The following CRB2 variants were observed in gnomAD, a reference collection of about 807,000 sequenced individuals.
CRB2 encodes the protein crumbs cell polarity complex component 2.
CRB2 carries 85 observed loss-of-function variants against 110.9 expected under a neutral mutation model. That is an observed-to-expected ratio of 0.77 (90% CI 0.64 to 0.92). The LOEUF (loss-of-function observed/expected upper bound fraction) is 0.92, where lower values mean the gene tolerates loss of function less well. Among genes scored for constraint, CRB2 ranks in the 40% least tolerant of loss-of-function variants. The pLI is 0.00. For missense variants in CRB2, 1,843 were observed against 1,851.3 expected (o/e 1.00, Z 0.08); for synonymous variants, 907 against 831.0 (o/e 1.09, Z -1.57).
rs772642763 is a variant in CRB2 at position 123,366,309 on chromosome 9, G to GAGCACAACGCGTCCTGCC, written c.698_715dup (p.Cys238_Leu239insGlnHisAsnAlaSerCys). 8 of 1,533,250 alleles carry GAGCACAACGCGTCCTGCC rather than the reference G, an allele frequency of 5.2e-6. No individual in the cohort carries two copies. The East Asian group carries it at 1.6e-4, about 30-fold the overall frequency. 95.0% of individuals were successfully genotyped at this position (1,533,250 alleles called of 1,614,324 possible). On this transcript the variant is annotated inframe_insertion, in exon 4 of 13. Coordinates refer to ENST00000373631, the MANE Select transcript of CRB2 (RefSeq NM_173689.7). ...GCTGGAGTGCGCATCGGCGCCCTGC[G>GAGCACAACGCGTCCTGCC]AGCACAACGCGTCCTGCCTCGAGGG...
In CRB2 at chr9:123,375,298, A is replaced by G. The variant is rs1378047526; in HGVS notation, c.3588A>G (p.Glu1196=). The G allele has an allele frequency of 1.2e-6, 2 of 1,611,016 alleles. No homozygotes were observed. The highest frequency in any genetic ancestry group is 1.7e-6 in the Non-Finnish European group (2 of 1,178,540). ...GCCGGGCAGCTGGAGGGGTGTCTGA[A>G]TGTATCTGCAATGCCAGATTCTCCG... is the stretch of plus-strand genomic sequence containing the variant. ...GTCRAAGGVS[E]CICNARFSGQ... is the part of the protein sequence containing the mutation. Residue 1196 remains glutamate, a synonymous_variant, in exon 12 of 13, where the codon GAA becomes GAG. Transcript: ENST00000373631.
In CRB2 at chr9:123,373,527, C is replaced by T. The variant is rs763539330; in HGVS notation, c.2996C>T (p.Pro999Leu). ...AGTGACCTGGGCTTCCTGCAGGGCC[C>T]GGGTGCTGTGCGCATCCTGCTGGCT... ...LASDLGFLQG[P>L]GAVRILLAEN... Residue 999 changes from proline to leucine, a missense_variant, in exon 10 of 13, where the codon CCG (proline) becomes CTG (leucine). Transcript: ENST00000373631. The T allele has an allele frequency of 3.0e-5, 45 of 1,484,016 alleles. No homozygotes were observed. The highest frequency in any genetic ancestry group is 1.8e-4 in the Middle Eastern group (1 of 5,638). The allele number at this position is 1,484,016 out of a possible 1,614,324, so 91.9% of individuals were successfully genotyped here.
At chr9:123,360,330 G>T (rs149760752) in intron 1 of CRB2, among the ~76,000 whole-genome samples, 1,615 of 152,282 alleles carry the variant, frequency 0.011, 31 homozygotes, top group African/African-American at 0.036. Flanking sequence ...GGCCCAGGCA[G>T]CCTGAGGTCA....
chr9:123,365,980 G>T lies in CRB2; in HGVS notation c.482G>T (p.Cys161Phe), dbSNP rs1305426477. The T allele has an allele frequency of 6.3e-7, 1 of 1,597,370 alleles. No homozygotes were observed. Among genetic ancestry groups the T allele is most frequent in the Non-Finnish European group, 8.5e-7 (1 of 1,179,054 alleles). ...GCGCCCTGCCTGCACGGGGGCTCGT[G>T]CCTGGACGGCGTGGGCTCCTTCCGC... ...ASAPCLHGGS[C>F]LDGVGSFRCV... is the part of the protein sequence containing the mutation. Residue 161 changes from cysteine to phenylalanine, a missense_variant, in exon 3 of 13, where the codon TGC becomes TTC. Cys to Phe is a radical substitution (Grantham distance 205, BLOSUM62 -2). Coordinates refer to ENST00000373631, the MANE Select transcript of CRB2 (RefSeq NM_173689.7).
Position 123,373,800 on chromosome 9 carries a change from G to C in CRB2, c.3269G>C (p.Arg1090Pro). Reference sequence around the variant, plus strand: ...TGCGGCCCGGGGTGGGAAGGCCCGCGCTGCGAAGCCCACGTCGACCCCTGT... The same window carrying C: ...TGCGGCCCGGGGTGGGAAGGCCCGCCCTGCGAAGCCCACGTCGACCCCTGT... ...CACGPGWEGP[R>P]CEAHVDPCHS... The change falls in exon 10 of 13, where the codon CGC becomes CCC. Residue 1090 changes from arginine to proline, a missense_variant. Transcript: ENST00000373631. The C allele has an allele frequency of 1.3e-6, 2 of 1,590,108 alleles. No homozygotes were observed. Among genetic ancestry groups the C allele is most frequent in the Non-Finnish European group, 8.5e-7 (1 of 1,176,110 alleles).
At chr9:123,356,943 G>A (rs1273646079) in intron 1 of CRB2, among the ~76,000 whole-genome samples, 3 of 152,072 alleles carry the variant, frequency 2.0e-5, no homozygotes, top group African/African-American at 7.2e-5. Flanking sequence ...CTCTCAACAT[G>A]AGGGGTGTGG....
In CRB2 at chr9:123,366,298, C is replaced by A. The variant is rs757246055; in HGVS notation, c.686C>A (p.Ser229Ter). The change falls in exon 4 of 13, where the codon TCG becomes TAG. Residue 229 changes from serine to a stop codon, truncating the protein, a stop_gained. Coordinates refer to ENST00000373631, the MANE Select transcript of CRB2 (RefSeq NM_173689.7). LOFTEE classifies it high-confidence loss of function. ...GAGCGGGAGGTGCTGGAGTGCGCAT[C>A]GGCGCCCTGCGAGCACAACGCGTCC... ...HCEREVLECA[S>*]APCEHNASCL... 1 of 1,523,220 alleles carries A rather than the reference C, an allele frequency of 6.6e-7. No homozygotes were observed. Among genetic ancestry groups the A allele is most frequent in the African/African-American group, 1.4e-5 (1 of 69,660 alleles). 94.4% of individuals were successfully genotyped at this position (1,523,220 alleles called of 1,614,324 possible).
Position 123,377,220 on chromosome 9 carries a change from A to G in CRB2, c.*158A>G. The G allele has an allele frequency of 1.5e-6, 1 of 685,196 alleles. No individual in the cohort carries two copies. The allele number at this position is 685,196 out of a possible 1,614,324, so 42.4% of individuals were successfully genotyped here. A position where few individuals can be genotyped will look rare whatever the true frequency, so the allele number is the denominator to read the frequency against. ...TCTGCCCCATCCTGGATGGAGGACG[A>G]GGGGAGCAACTCAGGGAAACAGAGG... On this transcript the variant is annotated 3_prime_UTR_variant, in exon 13 of 13. Transcript: ENST00000373631.
At chr9:123,374,194 G>A in intron 10 of CRB2, 2 of 610,670 alleles carry the variant, frequency 3.3e-6, no homozygotes, top group Non-Finnish European at 5.8e-6. Flanking sequence ...ATTGGTGGCT[G>A]GTTGGGGTGG....
At chr9:123,375,498 C>A (rs1350130247) in intron 12 of CRB2, among the ~76,000 whole-genome samples, 155 bp downstream of exon 12, 1 of 152,114 alleles carries the variant, frequency 6.6e-6, no homozygotes, top group South Asian at 2.1e-4. Context: ...TTCCACACCC[C>A]CCACACAAGA....
chr9:123,364,433 C>G (rs2041907230), intron 2 of CRB2, among the ~76,000 whole-genome samples: 1 of 104,206 alleles, frequency 9.6e-6, no homozygotes, highest in Non-Finnish European at 2.2e-5. Flanking sequence ...CCTGGGTAAG[C>G]TGTGGATGTG....
chr9:123,362,607 C>T (rs1251612780), intron 1 of CRB2, among the ~76,000 whole-genome samples: 1 of 152,136 alleles, frequency 6.6e-6, no homozygotes, highest in African/African-American at 2.4e-5. Flanking sequence ...AACCTCTGCT[C>T]ACTAATCCTG....
At chr9:123,371,669 C>T in intron 8 of CRB2, 91 bp downstream of exon 8, 1 of 1,551,852 alleles carries the variant, frequency 6.4e-7, no homozygotes. Context: ...TGTCCTTTTG[C>T]TGATGAGGAA....
chr9:123,373,238 C>A lies in CRB2; in HGVS notation c.2707C>A (p.Arg903Ser). The A allele has an allele frequency of 1.3e-6, 2 of 1,504,416 alleles. No individual in the cohort carries two copies. The highest frequency in any genetic ancestry group is 1.8e-6 in the Non-Finnish European group (2 of 1,134,070). 93.2% of individuals were successfully genotyped at this position (1,504,416 alleles called of 1,614,324 possible). Residue 903 changes from arginine to serine, a missense_variant, in exon 10 of 13, where the codon CGC (arginine) becomes AGC (serine). By Grantham distance (110) the Arg-to-Ser change is moderately radical (BLOSUM62 -1). Transcript: ENST00000373631. ...LGGLSLAFRT[R>S]DSEAWLLRAA... Reference sequence around the variant, plus strand: ...CGGCCTGTCGCTGGCCTTTCGCACGCGCGACTCCGAGGCCTGGCTGCTGCG... The same window carrying A: ...CGGCCTGTCGCTGGCCTTTCGCACGAGCGACTCCGAGGCCTGGCTGCTGCG...
Position 123,371,273 on chromosome 9 carries a change from G to T in CRB2, c.2131G>T (p.Gly711Cys). The change falls in exon 8 of 13, where the codon GGC (glycine) becomes TGC (cysteine). Residue 711 changes from glycine to cysteine, a missense_variant. Gly to Cys is a radical substitution (Grantham distance 159, BLOSUM62 -3). Coordinates refer to ENST00000373631, the MANE Select transcript of CRB2 (RefSeq NM_173689.7). Reference sequence around the variant, plus strand: ...GGGTCGGATCCGGGCTGAGGTGCCGGGCAGTCCTGCTGTAGTGCTCCCTGG... The same window carrying T: ...GGGTCGGATCCGGGCTGAGGTGCCGTGCAGTCCTGCTGTAGTGCTCCCTGG... ...SEGRIRAEVP[G>C]SPAVVLPGRW... 6.2e-7 allele frequency: 1 copy of T among 1,613,886 alleles called. No homozygotes were observed. Among genetic ancestry groups the T allele is most frequent in the Non-Finnish European group, 8.5e-7 (1 of 1,180,006 alleles).
chr9:123,370,582 C>G lies in CRB2; in HGVS notation c.1529C>G (p.Pro510Arg), dbSNP rs373359063. Residue 510 changes from proline (P) to arginine (R), a missense_variant, in exon 7 of 13, where the codon CCG becomes CGG. By Grantham distance (103) the Pro-to-Arg change is moderately radical. Coordinates refer to ENST00000373631, the MANE Select transcript of CRB2 (RefSeq NM_173689.7). ...ACCACTGTGCTTGTCCTGAGACTGC[C>G]GGACCTGGCCCTAAACGATGGCCAT... ...YSTTVLVLRL[P>R]DLALNDGHWH... is the part of the protein sequence containing the mutation. 5 of 1,613,266 alleles carry G rather than the reference C, an allele frequency of 3.1e-6. No homozygotes were observed. The highest frequency in any genetic ancestry group is 1.7e-5 in the Admixed American group (1 of 60,034).
rs2041926756 is a variant in CRB2, at chr9:123,366,073, C to T, written c.575C>T (p.Pro192Leu). ...QLDLDECQSQ[P>L]CAHGGTCHDL... The stretch of plus-strand genomic sequence containing the variant: ...GACCTCGACGAGTGCCAGAGCCAGC[C>T]GTGCGCACATGGGGGCACGTGCCAC... The change falls in exon 3 of 13, where the codon CCG (proline) becomes CTG (leucine). Residue 192 changes from proline to leucine, a missense_variant. Coordinates refer to ENST00000373631, the MANE Select transcript of CRB2 (RefSeq NM_173689.7). 4.5e-6 allele frequency: 7 copies of T among 1,561,354 alleles called. No individual in the cohort carries two copies. The highest frequency in any genetic ancestry group is 6.0e-6 in the Non-Finnish European group (7 of 1,161,366).
chr9:123,378,806 T>TTG (rs2088596173), downstream of CRB2: 2 of 52,192 alleles, frequency 3.8e-5, no homozygotes, highest in East Asian at 6.0e-4. Context: ...CTGTTTTTTG[T>TTG]TTTTTTTTTT....
At chr9:123,374,265 C>A (rs2042069165) in intron 10 of CRB2, among the ~76,000 whole-genome samples, 1 of 151,940 alleles carries the variant, frequency 6.6e-6, no homozygotes, top group African/African-American at 2.4e-5. Context: ...TCCCGGGAGC[C>A]CAGCGTGTGG....
Sources: gnomAD v4.1 joint callset for allele counts (sites outside exome capture counted in the v4.1 genomes callset) on GRCh38, gnomAD v4.1.1 for gene constraint, MANE v1.5 for transcripts, NCBI Gene and HGNC (gene_info 2026-07-23, HGNC 2026-07-21) for gene names.